OSBPL8: variants seen among roughly 807,000 people sequenced by gnomAD.
OSBPL8 encodes oxysterol-binding protein-related protein 8.
In OSBPL8, 59 loss-of-function variants were observed where a neutral mutation model predicts 125.5. The ratio of observed to expected loss-of-function variants is 0.47; its 90% CI spans 0.38 to 0.58. The LOEUF (loss-of-function observed/expected upper bound fraction) is 0.58. OSBPL8 is among the 20% of genes least tolerant of loss of function. OSBPL8 has a pLI of 0.00. For missense variants in OSBPL8, 758 were observed against 1,047.8 expected, an observed-to-expected ratio of 0.72 and a Z score of 3.82; for synonymous variants, 330 against 338.9, an observed-to-expected ratio of 0.97 and a Z score of 0.29.
At chr12:76,422,671 A>C in intron 4 of OSBPL8, 2 of 456,112 alleles carry the variant, frequency 4.4e-6, no homozygotes, top group South Asian at 3.1e-5. Flanking sequence ...AGGTCTATTT[A>C]ATGTATATGC....
In OSBPL8 at chr12:76,353,475, C is replaced by T. The variant is rs1386931041; in HGVS notation, c.*2414G>A. ...AAATGAAAAAAACTGGTCATAAGGT[C>T]ATAAATCCTAGAAACCCTCATGAGG... On this transcript the variant is annotated 3_prime_UTR_variant, in exon 24 of 24. Transcript: ENST00000261183. 1 of 151,808 alleles carries T rather than the reference C, an allele frequency of 6.6e-6. No individual in the cohort carries two copies. The highest frequency in any genetic ancestry group is 1.5e-5 in the Non-Finnish European group (1 of 67,802). 9.4% of individuals were successfully genotyped at this position (151,808 alleles called of 1,614,324 possible).
At chr12:76,453,006 T>A (rs1239065986) in intron 3 of OSBPL8, among the ~76,000 whole-genome samples, 1 of 152,290 alleles carries the variant, frequency 6.6e-6, no homozygotes, top group East Asian at 1.9e-4. Flanking sequence ...TGGCATTTTT[T>A]TTTTTTTAGG....
intron 1 of OSBPL8, among the ~76,000 whole-genome samples, chr12:76,534,477 T>C (rs1247425949): frequency 2.0e-5 from 3 of 152,150 alleles, no homozygotes; most frequent in Non-Finnish European, 4.4e-5. Context: ...TTACTACCAA[T>C]AACGGGCTAA....
At chr12:76,540,284 A>T (rs1295719428) in intron 1 of OSBPL8, among the ~76,000 whole-genome samples, 1 of 152,142 alleles carries the variant, frequency 6.6e-6, no homozygotes, top group African/African-American at 2.4e-5. Context: ...TTAAGTGACT[A>T]CTTGCCCAAG....
At chr12:76,379,404 G>A (rs1284389979) in intron 15 of OSBPL8, among the ~76,000 whole-genome samples, 1 of 152,060 alleles carries the variant, frequency 6.6e-6, no homozygotes, top group Non-Finnish European at 1.5e-5. Context: ...TTTACATACA[G>A]TAACTAACCC....
chr12:76,491,194 AAAG>A (rs948147156), intron 1 of OSBPL8, among the ~76,000 whole-genome samples: 3 of 152,220 alleles, frequency 2.0e-5, no homozygotes, highest in Non-Finnish European at 2.9e-5. Context: ...AAAAAGAAAA[AAAG>A]ATTTAGAATA....
At chr12:76,498,724 A>ATT in intron 1 of OSBPL8, among the ~76,000 whole-genome samples, 1 of 80,922 alleles carries the variant, frequency 1.2e-5, no homozygotes, top group East Asian at 4.0e-4. Context: ...AAGCCTCCCC[A>ATT]CTTTTTTTTT....
At chr12:76,470,475 CCTG>C (rs1876000307) in intron 2 of OSBPL8, among the ~76,000 whole-genome samples, 1 of 152,128 alleles carries the variant, frequency 6.6e-6, no homozygotes, top group African/African-American at 2.4e-5. Flanking sequence ...CATCTTACGA[CCTG>C]TTTCACGCAT....
chr12:76,517,203 G>A (rs1037445358), intron 1 of OSBPL8, among the ~76,000 whole-genome samples: 3 of 152,036 alleles, frequency 2.0e-5, no homozygotes, highest in African/African-American at 7.3e-5. Context: ...TTGTACACAT[G>A]TTTAAATATG....
intron 1 of OSBPL8, among the ~76,000 whole-genome samples, chr12:76,554,245 A>G (rs963758209): frequency 1.3e-5 from 2 of 152,006 alleles, no homozygotes; most frequent in South Asian, 2.1e-4. Flanking sequence ...AAAATGAGAG[A>G]AAAAAAATCA....
At chr12:76,494,975 A>T (rs1055105994) in intron 1 of OSBPL8, among the ~76,000 whole-genome samples, 3 of 152,182 alleles carry the variant, frequency 2.0e-5, no homozygotes, top group African/African-American at 7.2e-5. Flanking sequence ...AGAACTTCTT[A>T]GGCTTATGAG....
intron 1 of OSBPL8, among the ~76,000 whole-genome samples, chr12:76,507,349 C>A (rs1382142803): frequency 6.6e-6 from 1 of 151,698 alleles, no homozygotes; most frequent in Non-Finnish European, 1.5e-5. Flanking sequence ...CATATCTAAT[C>A]ATAATAACCT....
At chr12:76,461,375 C>T (rs770962417) in intron 2 of OSBPL8, among the ~76,000 whole-genome samples, 2 of 152,140 alleles carry the variant, frequency 1.3e-5, no homozygotes, top group African/African-American at 2.4e-5. Flanking sequence ...GAAAGAACTA[C>T]GGTGTTAGTG....
At position 76,397,838 on chromosome 12, in the gene OSBPL8, T is replaced by C. The variant is rs749459218; in HGVS notation, c.528A>G (p.Leu176=). ...KLWCVLKPGV[L]LIYKTQKNGQ... ...CATTTTTTTGGGTTTTATAGATCAG[T>C]AGCACCCCAGGTTTCAACACACACC... Residue 176 remains leucine, a synonymous_variant, in exon 8 of 24, where the codon CTA becomes CTG. Coordinates refer to ENST00000261183, the MANE Select transcript of OSBPL8 (RefSeq NM_020841.5). 7 of 1,613,978 alleles carry C rather than the reference T, an allele frequency of 4.3e-6. No individual in the cohort carries two copies. Among genetic ancestry groups the C allele is most frequent in the South Asian group, 3.3e-5 (3 of 91,074 alleles).
At chr12:76,466,546 T>C (rs1424341456) in intron 2 of OSBPL8, among the ~76,000 whole-genome samples, 1 of 152,196 alleles carries the variant, frequency 6.6e-6, no homozygotes, top group East Asian at 1.9e-4. Flanking sequence ...TAAATCTGAA[T>C]CTAGAGAGCA....
intron 2 of OSBPL8, among the ~76,000 whole-genome samples, chr12:76,479,726 T>C (rs1382078314): frequency 2.0e-5 from 3 of 151,968 alleles, no homozygotes; most frequent in African/African-American, 7.3e-5. Context: ...GAGGGGAAAA[T>C]TCATATTGTA....
intron 4 of OSBPL8, among the ~76,000 whole-genome samples, chr12:76,432,477 A>ACC: frequency 6.6e-6 from 1 of 152,302 alleles, no homozygotes; most frequent in South Asian, 2.1e-4. Context: ...GCTACCTGGG[A>ACC]CGTTGAAACA....
intron 1 of OSBPL8, among the ~76,000 whole-genome samples, chr12:76,513,230 C>A (rs990533702): frequency 6.6e-6 from 1 of 152,104 alleles, no homozygotes; most frequent in African/African-American, 2.4e-5. Context: ...TGATTGCTTT[C>A]AGAATTTTGA....
intron 12 of OSBPL8, among the ~76,000 whole-genome samples, chr12:76,388,678 A>T (rs1028829281): frequency 4.6e-5 from 7 of 152,034 alleles, no homozygotes; most frequent in Non-Finnish European, 1.0e-4. Flanking sequence ...GACTGTTCCT[A>T]TTTCTTCATT....
Sources: gnomAD v4.1 joint callset for allele counts (sites outside exome capture counted in the v4.1 genomes callset) on GRCh38, gnomAD v4.1.1 for gene constraint, MANE v1.5 for transcripts, NCBI Gene and HGNC (gene_info 2026-07-23, HGNC 2026-07-21) for gene names.